Variants in AK3 observed in about 807,000 individuals in gnomAD.
AK3 encodes the protein adenylate kinase 3.
AK3 carries 27 observed loss-of-function variants against 23.7 expected under a neutral mutation model. The ratio of observed to expected loss-of-function variants is 1.14; its 90% CI spans 0.84 to 1.57. AK3 has a LOEUF of 1.57. Ranked by LOEUF, AK3 falls within the 40% of genes most tolerant of loss-of-function variation. The pLI, the probability that AK3 is intolerant of heterozygous loss-of-function variation, is 0.00. For synonymous variants in AK3, 159 were observed against 116.0 expected (o/e 1.37, Z -2.38); for missense variants, 406 against 285.6 (o/e 1.42, Z -3.04).
rs1473100751 is a variant in AK3, at chr9:4,728,860, T to TACACACACACAC, written c.152-6236_152-6235insGTGTGTGTGTGT. Among the ~76,000 whole-genome samples, 119 of 72,994 alleles carry TACACACACACAC rather than the reference T, an allele frequency of 1.6e-3. 1 individual carries two copies. Among genetic ancestry groups the TACACACACACAC allele is most frequent in the South Asian group, 4.0e-3 (8 of 1,998 alleles). 47.9% of individuals were successfully genotyped at this position (72,994 alleles called of 152,430 possible). Reference sequence around the variant, plus strand: ...ATATATATATATATATATATATATATATATATACACACACACACACACATA... The same window carrying TACACACACACAC: ...ATATATATATATATATATATATATATACACACACACACATATATACACACACACACACACATA... On this transcript the variant is annotated intron_variant, in intron 1 of 4. Transcript: ENST00000381809.
chr9:4,732,304 A>G (rs893473942), intron 1 of AK3, among the ~76,000 whole-genome samples: 6 of 152,142 alleles, frequency 3.9e-5, no homozygotes, highest in Non-Finnish European at 7.4e-5. Flanking sequence ...AGAATACAGT[A>G]TACAATACAT....
chr9:4,724,235 C>G (rs1841969996), intron 1 of AK3, among the ~76,000 whole-genome samples: 1 of 152,040 alleles, frequency 6.6e-6, no homozygotes, highest in Non-Finnish European at 1.5e-5. Flanking sequence ...GGAGGGACAG[C>G]TTCAACCTCA....
intron 1 of AK3, among the ~76,000 whole-genome samples, chr9:4,733,838 C>T (rs371763511): frequency 8.5e-5 from 13 of 152,122 alleles, no homozygotes; most frequent in African/African-American, 2.7e-4. Flanking sequence ...TTACTCAAGC[C>T]GCATGGTAAG....
rs71326127 is a variant in AK3, at chr9:4,729,015, A to ATATATATATATTTTT, written c.152-6391_152-6390insAAAAATATATATATA. Among the ~76,000 whole-genome samples, 922 of 129,346 alleles carry ATATATATATATTTTT rather than the reference A, an allele frequency of 7.1e-3. 11 individuals carry two copies. The highest frequency in any genetic ancestry group is 0.032 in the South Asian group (127 of 3,944). 84.9% of individuals were successfully genotyped at this position (129,346 alleles called of 152,430 possible). On this transcript the variant is annotated intron_variant, in intron 1 of 4. Transcript: ENST00000381809. ...CACACACACATATATATATATATAT[A>ATATATATATATTTTT]TTTTTTTTTTTTGAGACGGAATTTT...
At position 4,711,701 on chromosome 9, in the gene AK3, C is replaced by T. The variant is rs1841566392; in HGVS notation, c.*1275G>A. The T allele has an allele frequency of 1.3e-5, 2 of 152,330 alleles. No homozygotes were observed. The highest frequency in any genetic ancestry group is 4.8e-5 in the African/African-American group (2 of 41,572). 9.4% of individuals were successfully genotyped at this position (152,330 alleles called of 1,614,324 possible). On this transcript the variant is annotated 3_prime_UTR_variant, in exon 5 of 5. Coordinates refer to ENST00000381809, the MANE Select transcript of AK3 (RefSeq NM_016282.4). ...ATAATCAAGTTTTTCCTCCATCTCT[C>T]ATATTTCCCCACTTCTACCAGACCA... is the stretch of plus-strand genomic sequence containing the variant.
chr9:4,740,357 A>T (rs1321332373), intron 1 of AK3, among the ~76,000 whole-genome samples: 5 of 152,204 alleles, frequency 3.3e-5, no homozygotes, highest in Non-Finnish European at 7.3e-5. Context: ...CATGCACAAG[A>T]ATAGCCTTCG....
At chr9:4,722,418 G>T in intron 2 of AK3, 88 bp downstream of exon 2, 1 of 1,581,278 alleles carries the variant, frequency 6.3e-7, no homozygotes, top group South Asian at 1.2e-5. Flanking sequence ...CACCATCCTT[G>T]ACGTCTGTCT....
chr9:4,737,144 A>T (rs1842315079), intron 1 of AK3, among the ~76,000 whole-genome samples: 1 of 151,432 alleles, frequency 6.6e-6, no homozygotes, highest in Admixed American at 6.6e-5. Context: ...ATAGTTCTTT[A>T]CTATATAGTT....
intron 4 of AK3, among the ~76,000 whole-genome samples, chr9:4,713,667 G>A (rs912685016): frequency 6.6e-6 from 1 of 152,104 alleles, no homozygotes. Flanking sequence ...GGAATAAAAA[G>A]TGTTGGTTTT....
At chr9:4,734,519 T>C (rs1275252813) in intron 1 of AK3, among the ~76,000 whole-genome samples, 1 of 152,182 alleles carries the variant, frequency 6.6e-6, no homozygotes, top group Non-Finnish European at 1.5e-5. Context: ...GATGGACAGA[T>C]GGATGAAGAG....
At chr9:4,730,740 A>C (rs1359344281) in intron 1 of AK3, among the ~76,000 whole-genome samples, 1 of 152,238 alleles carries the variant, frequency 6.6e-6, no homozygotes, top group Non-Finnish European at 1.5e-5. Context: ...AATTAGAACA[A>C]GACAGACATT....
chr9:4,734,310 A>G (rs922172450), intron 1 of AK3, among the ~76,000 whole-genome samples: 7 of 119,104 alleles, frequency 5.9e-5, no homozygotes, highest in Non-Finnish European at 1.1e-4. Context: ...CTCCAGAACT[A>G]TAAGAAAATA....
intron 1 of AK3, among the ~76,000 whole-genome samples, chr9:4,738,173 CT>C (rs201166805): frequency 2.0e-5 from 3 of 151,346 alleles, no homozygotes; most frequent in African/African-American, 4.8e-5. Context: ...AATTAAACAT[CT>C]TTTTTTTTGA....
intron 2 of AK3, among the ~76,000 whole-genome samples, chr9:4,720,061 C>CAAAAA (rs1467556491): frequency 6.6e-6 from 1 of 151,888 alleles, no homozygotes; most frequent in Non-Finnish European, 1.5e-5. Flanking sequence ...CAAGACTCCT[C>CAAAAA]AAAAACAAAC....
At chr9:4,713,833 C>A (rs1026946254) in intron 4 of AK3, among the ~76,000 whole-genome samples, 2 of 147,810 alleles carry the variant, frequency 1.4e-5, no homozygotes, top group Admixed American at 6.7e-5. Context: ...TTTCAAGCCA[C>A]ACAGATTCCC....
At chr9:4,732,482 CT>C (rs1158494837) in intron 1 of AK3, among the ~76,000 whole-genome samples, 1 of 152,096 alleles carries the variant, frequency 6.6e-6, no homozygotes, top group Non-Finnish European at 1.5e-5. Flanking sequence ...ACTGTATTTC[CT>C]TTTTTGATTC....
At chr9:4,741,528 C>G (rs1290631015), upstream of AK3, among the ~76,000 whole-genome samples, 2 of 151,996 alleles carry the variant, frequency 1.3e-5, no homozygotes, top group Middle Eastern at 3.2e-3. Flanking sequence ...CCCCGGAACC[C>G]CGCGCCCTGT....
At chr9:4,736,892 A>G (rs1842307331) in intron 1 of AK3, among the ~76,000 whole-genome samples, 1 of 152,090 alleles carries the variant, frequency 6.6e-6, no homozygotes, top group Non-Finnish European at 1.5e-5. Flanking sequence ...TACCCAGGCT[A>G]GTCTCAATCT....
In AK3 at chr9:4,719,230, G is replaced by A; in HGVS notation, c.349C>T (p.Pro117Ser). Residue 117 changes from proline (P) to serine (S), a missense_variant, in exon 3 of 5, where the codon CCC becomes TCC. Coordinates refer to ENST00000381809, the MANE Select transcript of AK3 (RefSeq NM_016282.4). ...QIDTVINLNV[P>S]FEVIKQRLTA... is the part of the protein sequence containing the mutation. ...AGGCGTTGTTTAATGACCTCAAAGGGCACATTCAGGTTAATCACTGTGTCG... is the reference window on the plus strand; with the variant it reads ...AGGCGTTGTTTAATGACCTCAAAGGACACATTCAGGTTAATCACTGTGTCG... The A allele has an allele frequency of 6.2e-7, 1 of 1,612,008 alleles. No individual in the cohort carries two copies. The highest frequency in any genetic ancestry group is 8.5e-7 in the Non-Finnish European group (1 of 1,179,798).
Sources: gnomAD v4.1 joint callset for allele counts (sites outside exome capture counted in the v4.1 genomes callset) on GRCh38, gnomAD v4.1.1 for gene constraint, MANE v1.5 for transcripts, NCBI Gene and HGNC (gene_info 2026-07-23, HGNC 2026-07-21) for gene names.